Variants in SHROOM4 observed in about 807,000 individuals in gnomAD.
SHROOM4 encodes the protein shroom family member 4.
Under a neutral mutation model 80.3 loss-of-function variants are expected in SHROOM4, and 17 were observed. That is an observed-to-expected ratio of 0.21 (90% CI 0.14 to 0.32). SHROOM4 has a LOEUF of 0.32. Ranked by LOEUF, SHROOM4 falls within the 10% of genes least tolerant of loss-of-function variation. The pLI, the probability that SHROOM4 is intolerant of heterozygous loss-of-function variation, is 1.00. For synonymous variants in SHROOM4, 400 were observed against 437.5 expected, an observed-to-expected ratio of 0.91 and a Z score of 1.07; for missense variants, 993 against 1,140.3, an observed-to-expected ratio of 0.87 and a Z score of 1.86.
At chrX:50,755,281 A>T (rs1557268304) in intron 1 of SHROOM4, among the ~76,000 whole-genome samples, 1 of 111,823 alleles carries the variant, frequency 8.9e-6, no homozygotes, top group African/African-American at 3.2e-5. Context: ...AAGTGCTACA[A>T]ATTAGGTTTT....
intron 1 of SHROOM4, among the ~76,000 whole-genome samples, chrX:50,775,760 A>G (rs1935490746): frequency 8.9e-6 from 1 of 112,284 alleles, no homozygotes; most frequent in Non-Finnish European, 1.9e-5. Context: ...GGATACTGTT[A>G]AGAGCCAAAG....
chrX:50,652,117 C>A lies in SHROOM4; in HGVS notation c.270-13809G>T, dbSNP rs1162445514. ...ATATCCAGTAATGGGATTGCTAGAT[C>A]AAACGGTATTTCTGGTTCCAGATCC... is the stretch of plus-strand genomic sequence containing the variant. On this transcript the variant is annotated intron_variant, in intron 2 of 8. Coordinates refer to ENST00000376020, the MANE Select transcript of SHROOM4 (RefSeq NM_020717.5). Among the ~76,000 whole-genome samples the A allele has an allele frequency of 3.6e-5, 4 of 111,811 alleles. No individual in the cohort carries two copies. In the East Asian group the frequency reaches 1.1e-3, roughly 31 times the overall value.
chrX:50,604,518 T>G (rs1314119174), intron 6 of SHROOM4, among the ~76,000 whole-genome samples: 1 of 111,912 alleles, frequency 8.9e-6, no homozygotes, highest in Non-Finnish European at 1.9e-5. Flanking sequence ...CTGGAGTATA[T>G]CTATGTTAGC....
In SHROOM4 at chrX:50,638,199, A is replaced by G. The variant is rs1557256494; in HGVS notation, c.379T>C (p.Ser127Pro). The change falls in exon 3 of 9, where the codon TCC becomes CCC. Residue 127 changes from serine to proline, a missense_variant. Coordinates refer to ENST00000376020, the MANE Select transcript of SHROOM4 (RefSeq NM_020717.5). ...CTTGTGTTGCAGCCAGAATGCCAGG[A>G]CAAGCTGAAGGCTTCAGAAGGGAAA... The part of the protein sequence containing the change: ...MHFPSEAFSL[S>P]WHSGCNTSDV... 2 of 1,208,291 alleles carry G rather than the reference A, an allele frequency of 1.7e-6. No homozygotes were observed. The highest frequency in any genetic ancestry group is 2.2e-6 in the Non-Finnish European group (2 of 893,781).
At chrX:50,801,278 G>GAGAGAGAGAGAGAA (rs1936115820) in intron 1 of SHROOM4, among the ~76,000 whole-genome samples, 1 of 106,264 alleles carries the variant, frequency 9.4e-6, no homozygotes, top group Admixed American at 1.0e-4. Context: ...GAGAGAGAGA[G>GAGAGAGAGAGAGAA]AGAGAGAGAG....
intron 2 of SHROOM4, among the ~76,000 whole-genome samples, chrX:50,677,622 A>G (rs1187482064): frequency 9.0e-6 from 1 of 111,605 alleles, no homozygotes; most frequent in African/African-American, 3.2e-5. Flanking sequence ...GGACCCAGAG[A>G]TATTAAGGCA....
intron 1 of SHROOM4, among the ~76,000 whole-genome samples, chrX:50,793,994 G>A: frequency 9.1e-6 from 1 of 110,473 alleles, no homozygotes; most frequent in South Asian, 3.9e-4. Context: ...TATGTGAAGG[G>A]AGAAAAAAAG....
At chrX:50,700,401 T>A (rs1933486520) in intron 1 of SHROOM4, among the ~76,000 whole-genome samples, 1 of 112,138 alleles carries the variant, frequency 8.9e-6, no homozygotes, top group African/African-American at 3.2e-5. Context: ...TAGAAAAATG[T>A]AGAGCTAGGG....
intron 2 of SHROOM4, among the ~76,000 whole-genome samples, chrX:50,678,225 C>T (rs1394950102): frequency 9.0e-6 from 1 of 111,681 alleles, no homozygotes; most frequent in Non-Finnish European, 1.9e-5. Flanking sequence ...GATGGTTTCT[C>T]TGATAGTCAG....
chrX:50,576,241 A>G, the SHROOM4 span, among the ~76,000 whole-genome samples: 1 of 111,780 alleles, frequency 8.9e-6, no homozygotes, highest in African/African-American at 3.3e-5. Flanking sequence ...ACTGGGCCCA[A>G]CTGGAGTAAT....
At position 50,594,725 on chromosome X, in the gene SHROOM4, C is replaced by A. The variant is rs1380397766; in HGVS notation, c.*1970G>T. 1.8e-5 allele frequency: 2 copies of A among 111,934 alleles called. No homozygotes were observed. The highest frequency in any genetic ancestry group is 3.8e-5 in the Non-Finnish European group (2 of 53,208). The allele number at this position is 111,934 out of a possible 1,213,427, so 9.2% of individuals were successfully genotyped here. ...ACAACTATGGCCTCCATTGAAAGCA[C>A]TCCCCTACCTTCTCAATCTTGGCTG... On this transcript the variant is annotated 3_prime_UTR_variant, in exon 9 of 9. Coordinates refer to ENST00000376020, the MANE Select transcript of SHROOM4 (RefSeq NM_020717.5).
intron 1 of SHROOM4, among the ~76,000 whole-genome samples, chrX:50,734,786 A>T (rs1303087524): frequency 1.8e-5 from 2 of 111,092 alleles, no homozygotes; most frequent in Non-Finnish European, 3.8e-5. Flanking sequence ...GAGATAACTG[A>T]ATCATGGGGG....
rs1928851753 is a variant in SHROOM4 at position 50,590,534 on chromosome X, GCCA to G, written c.*6158_*6160del. ...CAAAGTGCTGGGATTACAGGCGTGA[GCCA>G]CCGCGCCTGGCCGAGACCAGATCCC... On this transcript the variant is annotated 3_prime_UTR_variant, in exon 9 of 9. Transcript: ENST00000376020. 9.0e-6 allele frequency among the ~76,000 whole-genome samples: 1 copy of G among 111,261 alleles called. No homozygotes were observed. Among genetic ancestry groups the G allele is most frequent in the Non-Finnish European group, 1.9e-5 (1 of 52,984 alleles).
intron 1 of SHROOM4, among the ~76,000 whole-genome samples, chrX:50,744,876 G>C (rs1934742969): frequency 9.0e-6 from 1 of 111,211 alleles, no homozygotes; most frequent in African/African-American, 3.3e-5. Flanking sequence ...TTCTCTTCTT[G>C]TTTTACTTTT....
intron 2 of SHROOM4, among the ~76,000 whole-genome samples, chrX:50,653,576 G>T (rs1293585908): frequency 9.0e-6 from 1 of 111,367 alleles, no homozygotes; most frequent in African/African-American, 3.3e-5. Flanking sequence ...TTGCCTGACT[G>T]CCCTGGCCAG....
chrX:50,776,154 G>T (rs1557270091), intron 1 of SHROOM4, among the ~76,000 whole-genome samples: 1 of 111,074 alleles, frequency 9.0e-6, no homozygotes, highest in Non-Finnish European at 1.9e-5. Flanking sequence ...CCAACACTGG[G>T]GCGAGGGGCA....
At chrX:50,583,483 T>G (rs921993693), downstream of SHROOM4, among the ~76,000 whole-genome samples, 14 of 111,518 alleles carry the variant, frequency 1.3e-4, no homozygotes, top group African/African-American at 4.6e-4. Flanking sequence ...ATGGCAAAGG[T>G]GATAAAATGT....
At chrX:50,752,071 T>C (rs1934933190) in intron 1 of SHROOM4, among the ~76,000 whole-genome samples, 1 of 112,084 alleles carries the variant, frequency 8.9e-6, no homozygotes, top group African/African-American at 3.2e-5. Flanking sequence ...GTTCACCAAA[T>C]CTTGACTAAA....
chrX:50,721,634 T>G (rs1557265440), intron 1 of SHROOM4, among the ~76,000 whole-genome samples: 2 of 111,294 alleles, frequency 1.8e-5, no homozygotes, highest in African/African-American at 6.6e-5. Flanking sequence ...ATCCTGTGAC[T>G]AAGAATGCCT....
Sources: allele counts gnomAD v4.1 joint callset (sites outside exome capture counted in the v4.1 genomes callset), GRCh38; gene constraint gnomAD v4.1.1; transcripts MANE v1.5; gene names NCBI Gene and HGNC (gene_info 2026-07-23, HGNC 2026-07-21).